Variants in CYB5B observed in about 807,000 individuals in gnomAD.
CYB5B encodes cytochrome b5 type B.
CYB5B carries 14 observed loss-of-function variants against 21.3 expected under a neutral mutation model. That is an observed-to-expected ratio of 0.66 (90% CI 0.43 to 1.03). The LOEUF (loss-of-function observed/expected upper bound fraction) is 1.03, where lower values mean the gene tolerates loss of function less well. Ranked by LOEUF, CYB5B falls within the 50% of genes least tolerant of loss-of-function variation. CYB5B has a pLI of 0.00. For synonymous variants in CYB5B, 69 were observed against 68.4 expected (o/e 1.01, Z -0.04); for missense variants, 166 against 185.1 (o/e 0.90, Z 0.60).
At position 69,425,077 on chromosome 16, in the gene CYB5B, T is replaced by G. The variant is rs56096026; in HGVS notation, c.174+220T>G. 0.097 allele frequency among the ~76,000 whole-genome samples: 14,755 copies of G among 152,256 alleles called. 849 individuals carry two copies. The highest frequency in any genetic ancestry group is 0.17 in the South Asian group (823 of 4,830). On this transcript the variant is annotated intron_variant, in intron 1 of 4. Transcript: ENST00000307892. ...AGTTCTGGTGCCTTATGTAATATCA[T>G]GTATTACTTATGTGTCGAGCATTTG... is the stretch of plus-strand genomic sequence containing the variant.
chr16:69,425,689 A>G (rs1293390017), intron 1 of CYB5B, among the ~76,000 whole-genome samples: 1 of 152,196 alleles, frequency 6.6e-6, no homozygotes, highest in Non-Finnish European at 1.5e-5. Flanking sequence ...AACCATTTCC[A>G]TCATTCTAAA....
intron 1 of CYB5B, among the ~76,000 whole-genome samples, chr16:69,443,047 C>T (rs922373373): frequency 1.2e-4 from 19 of 152,008 alleles, no homozygotes; most frequent in Admixed American, 9.8e-4. Context: ...CTCCCGGGTT[C>T]AAGTGGTTTT....
chr16:69,428,503 A>G (rs943020614), intron 1 of CYB5B, among the ~76,000 whole-genome samples: 1 of 152,018 alleles, frequency 6.6e-6, no homozygotes, highest in African/African-American at 2.4e-5. Flanking sequence ...TAAAAATACA[A>G]AAATTAGCTG....
chr16:69,453,986 C>G (rs930382828), intron 3 of CYB5B, among the ~76,000 whole-genome samples: 5 of 152,186 alleles, frequency 3.3e-5, no homozygotes, highest in Admixed American at 2.6e-4. Context: ...TTCTCAAGGA[C>G]TAATGTCTTC....
intron 1 of CYB5B, among the ~76,000 whole-genome samples, chr16:69,434,695 C>T (rs1425600493): frequency 6.6e-6 from 1 of 152,096 alleles, no homozygotes; most frequent in Admixed American, 6.6e-5. Context: ...GAAACCCCAT[C>T]TCTTCTAAAA....
intron 1 of CYB5B, among the ~76,000 whole-genome samples, chr16:69,433,003 G>A (rs2014721991): frequency 6.6e-6 from 1 of 152,054 alleles, no homozygotes; most frequent in Non-Finnish European, 1.5e-5. Flanking sequence ...TTGCCGTGTT[G>A]GCCGGGCTGG....
In CYB5B at chr16:69,465,601, C is replaced by T. The variant is rs1025495267; in HGVS notation, c.*3081C>T. 3.9e-5 allele frequency: 6 copies of T among 152,214 alleles called. No individual in the cohort carries two copies. Among genetic ancestry groups the T allele is most frequent in the Non-Finnish European group, 8.8e-5 (6 of 68,044 alleles). 9.4% of individuals were successfully genotyped at this position (152,214 alleles called of 1,614,324 possible). A position where few individuals can be genotyped will look rare whatever the true frequency, so the allele number is the denominator to read the frequency against. On this transcript the variant is annotated 3_prime_UTR_variant, in exon 5 of 5. Coordinates refer to ENST00000307892, the MANE Select transcript of CYB5B (RefSeq NM_030579.3). ...AAATCAGAACACTGTCGAGTTTATA[C>T]TCATTTAGCTGCAATGTGGGACAAT...
At chr16:69,450,858 CCT>C (rs556482649) in intron 3 of CYB5B, among the ~76,000 whole-genome samples, 95 of 152,122 alleles carry the variant, frequency 6.2e-4, no homozygotes, top group Non-Finnish European at 1.1e-3. Context: ...TCTTCTACTC[CCT>C]GTCTGAACTG....
intron 1 of CYB5B, among the ~76,000 whole-genome samples, chr16:69,438,515 T>C (rs1410325092): frequency 6.7e-6 from 1 of 148,922 alleles, no homozygotes; most frequent in Non-Finnish European, 1.5e-5. Context: ...CCACCAGCAA[T>C]GTACAAAGAT....
intron 1 of CYB5B, among the ~76,000 whole-genome samples, chr16:69,433,888 A>C (rs1597280196): frequency 6.6e-6 from 1 of 152,238 alleles, no homozygotes; most frequent in East Asian, 1.9e-4. Flanking sequence ...TACACACCTT[A>C]GCTGTACGGT....
At chr16:69,447,393 G>C in intron 2 of CYB5B, 115 bp downstream of exon 2, 1 of 1,383,888 alleles carries the variant, frequency 7.2e-7, no homozygotes. Flanking sequence ...TGTCATCCCA[G>C]TACTTTGGGA....
intron 4 of CYB5B, among the ~76,000 whole-genome samples, chr16:69,461,122 G>A (rs769810881): frequency 9.2e-5 from 14 of 151,868 alleles, no homozygotes; most frequent in East Asian, 3.9e-4. Flanking sequence ...GAAGAATGGC[G>A]TGAACCCCAG....
intron 4 of CYB5B, among the ~76,000 whole-genome samples, chr16:69,462,210 T>C (rs1276996690): frequency 6.6e-6 from 1 of 152,242 alleles, no homozygotes; most frequent in Non-Finnish European, 1.5e-5. Context: ...TCTTATTTGA[T>C]ATCATACTAT....
intron 1 of CYB5B, among the ~76,000 whole-genome samples, chr16:69,441,634 C>T (rs2014824376): frequency 6.6e-6 from 1 of 152,204 alleles, no homozygotes; most frequent in African/African-American, 2.4e-5. Context: ...GTGCAACCCT[C>T]ACCTAGATGT....
At chr16:69,452,997 CAA>C (rs71385608) in intron 3 of CYB5B, among the ~76,000 whole-genome samples, 4 of 133,252 alleles carry the variant, frequency 3.0e-5, no homozygotes, top group African/African-American at 2.9e-5. Flanking sequence ...GACTCTGTCT[CAA>C]AAAAAAAAAA....
At chr16:69,459,020 A>G in intron 3 of CYB5B, 73 bp from the exon 4 acceptor site, 1 of 1,388,280 alleles carries the variant, frequency 7.2e-7, no homozygotes, top group African/African-American at 1.5e-5. Context: ...TGATCAAGAA[A>G]ATGTACATGT....
intron 1 of CYB5B, among the ~76,000 whole-genome samples, chr16:69,433,988 A>C (rs1173034593): frequency 2.0e-5 from 3 of 152,240 alleles, no homozygotes; most frequent in African/African-American, 4.8e-5. Flanking sequence ...AACATAGAAA[A>C]GGTGCAATAA....
At chr16:69,433,203 T>C (rs545308687) in intron 1 of CYB5B, among the ~76,000 whole-genome samples, 1 of 152,324 alleles carries the variant, frequency 6.6e-6, no homozygotes, top group Non-Finnish European at 1.5e-5. Context: ...ATTTTAAATA[T>C]AATTTGGAAG....
intron 3 of CYB5B, among the ~76,000 whole-genome samples, chr16:69,452,313 CAAAA>C (rs34934716): frequency 2.2e-4 from 17 of 79,044 alleles, no homozygotes; most frequent in South Asian, 4.4e-4. Flanking sequence ...GACTCCGCCT[CAAAA>C]AAAAAAAAAA....
Sources: allele counts gnomAD v4.1 joint callset (sites outside exome capture counted in the v4.1 genomes callset), GRCh38; gene constraint gnomAD v4.1.1; transcripts MANE v1.5; gene names NCBI Gene and HGNC (gene_info 2026-07-23, HGNC 2026-07-21).